SKAP1: variants seen among roughly 807,000 people sequenced by gnomAD.
SKAP1 encodes src kinase associated phosphoprotein 1, also known as src kinase-associated phosphoprotein 1.
SKAP1 carries 44 observed loss-of-function variants against 58.5 expected under a neutral mutation model. The ratio of observed to expected loss-of-function variants is 0.75; its 90% CI spans 0.59 to 0.97. The LOEUF (loss-of-function observed/expected upper bound fraction) is 0.97. Among genes scored for constraint, SKAP1 ranks in the 50% least tolerant of loss-of-function variants. SKAP1 has a pLI of 0.00. For missense variants in SKAP1, 390 were observed against 435.2 expected (o/e 0.90, Z 0.92); for synonymous variants, 127 against 149.7 (o/e 0.85, Z 1.11).
At chr17:48,181,070 T>A (rs891294058) in intron 8 of SKAP1, among the ~76,000 whole-genome samples, 3 of 152,118 alleles carry the variant, frequency 2.0e-5, no homozygotes, top group African/African-American at 4.8e-5. Context: ...GCAGTCAGCA[T>A]ACTCTGGGGA....
intron 2 of SKAP1, among the ~76,000 whole-genome samples, chr17:48,387,861 G>C (rs766202508): frequency 6.6e-6 from 1 of 152,064 alleles, no homozygotes; most frequent in Non-Finnish European, 1.5e-5. Context: ...ATCCCAGGTA[G>C]AATGTTCGAA....
chr17:48,204,973 T>TTTTCTTTCTTTC (rs1555602827), intron 4 of SKAP1, among the ~76,000 whole-genome samples: 25 of 77,324 alleles, frequency 3.2e-4, no homozygotes, highest in Non-Finnish European at 4.3e-4. Context: ...TTTTCTTTTC[T>TTTTCTTTCTTTC]TTTCTTTCTT....
chr17:48,439,200 A>G, the SKAP1 span, among the ~76,000 whole-genome samples: 1 of 152,212 alleles, frequency 6.6e-6, no homozygotes, highest in Non-Finnish European at 1.5e-5. Context: ...TTTCAACACA[A>G]TGACACTTCT....
intron 4 of SKAP1, among the ~76,000 whole-genome samples, chr17:48,326,276 C>T (rs1296656897): frequency 6.6e-6 from 1 of 152,122 alleles, no homozygotes; most frequent in Non-Finnish European, 1.5e-5. Context: ...ATGGGCCAGA[C>T]TAATTAAAAC....
chr17:48,349,599 G>T (rs1174672456), intron 3 of SKAP1, among the ~76,000 whole-genome samples: 1 of 152,078 alleles, frequency 6.6e-6, no homozygotes, highest in Non-Finnish European at 1.5e-5. Flanking sequence ...CAGGTAATTT[G>T]CTCCTGTAGC....
intron 4 of SKAP1, among the ~76,000 whole-genome samples, chr17:48,219,278 T>C (rs2064974851): frequency 6.6e-6 from 1 of 152,196 alleles, no homozygotes; most frequent in African/African-American, 2.4e-5. Flanking sequence ...TAAAAGTCAG[T>C]TGTACTATTC....
chr17:48,137,645 A>G (rs1234970656), intron 11 of SKAP1, among the ~76,000 whole-genome samples: 1 of 152,224 alleles, frequency 6.6e-6, no homozygotes, highest in Non-Finnish European at 1.5e-5. Flanking sequence ...AGTTGGGCAC[A>G]CATTAAATTG....
At chr17:48,419,752 A>T (rs2067773162) in intron 1 of SKAP1, among the ~76,000 whole-genome samples, 1 of 152,130 alleles carries the variant, frequency 6.6e-6, no homozygotes, top group African/African-American at 2.4e-5. Flanking sequence ...CTAAGCACAA[A>T]TATGTGCCAT....
At chr17:48,389,153 TAAC>T (rs908127953) in intron 2 of SKAP1, among the ~76,000 whole-genome samples, 3 of 152,242 alleles carry the variant, frequency 2.0e-5, no homozygotes, top group African/African-American at 7.2e-5. Context: ...GGGGATTTTG[TAAC>T]AACAACAAGG....
At chr17:48,174,720 T>C (rs2064265972) in intron 9 of SKAP1, among the ~76,000 whole-genome samples, 1 of 152,258 alleles carries the variant, frequency 6.6e-6, no homozygotes, top group South Asian at 2.1e-4. Flanking sequence ...TTCAGCATTA[T>C]GTCTACTGAA....
intron 4 of SKAP1, among the ~76,000 whole-genome samples, chr17:48,224,031 AG>A (rs57298723): frequency 5.1e-4 from 49 of 96,690 alleles, no homozygotes; most frequent in Middle Eastern, 5.0e-3. Flanking sequence ...AGAGAGAGAG[AG>A]AGAAGAAGGA....
At chr17:48,345,780 A>G in intron 4 of SKAP1, 125 bp downstream of exon 4, 1 of 651,908 alleles carries the variant, frequency 1.5e-6, no homozygotes, top group Non-Finnish European at 2.8e-6. Flanking sequence ...TTTGCAAACT[A>G]GTGATTACCA....
At position 48,293,560 on chromosome 17, in the gene SKAP1, T is replaced by A. The variant is rs141652339; in HGVS notation, c.280+52345A>T. On this transcript the variant is annotated intron_variant, in intron 4 of 12. Transcript: ENST00000336915. ...CCCTAGTTGTCCCACACGGGCTTGC[T>A]TGATCACACATCATATCCTGGTACA... is the stretch of plus-strand genomic sequence containing the variant. Among the ~76,000 whole-genome samples, 596 of 152,342 alleles carry A rather than the reference T, an allele frequency of 3.9e-3. 4 individuals are homozygous for A. Among genetic ancestry groups the A allele is most frequent in the African/African-American group, 0.014 (562 of 41,594 alleles).
At chr17:48,254,890 T>C (rs1311000729) in intron 4 of SKAP1, among the ~76,000 whole-genome samples, 1 of 152,022 alleles carries the variant, frequency 6.6e-6, no homozygotes, top group Non-Finnish European at 1.5e-5. Context: ...TGAAAATCTA[T>C]GATATGATCC....
At chr17:48,157,345 C>T (rs2063992235) in intron 11 of SKAP1, among the ~76,000 whole-genome samples, 1 of 151,900 alleles carries the variant, frequency 6.6e-6, no homozygotes, top group Non-Finnish European at 1.5e-5. Flanking sequence ...AAGAGATTCT[C>T]CTGCCTCAGC....
intron 4 of SKAP1, among the ~76,000 whole-genome samples, chr17:48,319,663 G>A (rs2066334731): frequency 6.6e-6 from 1 of 152,124 alleles, no homozygotes; most frequent in Non-Finnish European, 1.5e-5. Context: ...GCAACATGGT[G>A]AAACCCCATT....
intron 4 of SKAP1, among the ~76,000 whole-genome samples, chr17:48,227,885 A>C (rs1253737785): frequency 6.6e-6 from 1 of 152,210 alleles, no homozygotes; most frequent in African/African-American, 2.4e-5. Context: ...GGATAAAATG[A>C]ATTACTGCTA....
intron 2 of SKAP1, among the ~76,000 whole-genome samples, chr17:48,394,306 T>C (rs2067388001): frequency 6.6e-6 from 1 of 152,162 alleles, no homozygotes; most frequent in African/African-American, 2.4e-5. Flanking sequence ...TATTTTTGTG[T>C]TACTGTATGG....
chr17:48,435,599 A>G, the SKAP1 span, among the ~76,000 whole-genome samples: 1 of 152,232 alleles, frequency 6.6e-6, no homozygotes, highest in African/African-American at 2.4e-5. Context: ...AGGTAGAAGG[A>G]CAGCAATTTT....
Sources: gnomAD v4.1 joint callset for allele counts (sites outside exome capture counted in the v4.1 genomes callset) on GRCh38, gnomAD v4.1.1 for gene constraint, MANE v1.5 for transcripts, NCBI Gene and HGNC (gene_info 2026-07-23, HGNC 2026-07-21) for gene names.